Variants in ZFHX3 observed in about 807,000 individuals in gnomAD.
ZFHX3 encodes zinc finger homeobox 3, also known as zinc finger homeobox protein 3.
ZFHX3 carries 42 observed loss-of-function variants against 279.1 expected under a neutral mutation model. The observed-to-expected ratio is 0.15, with a 90% CI of 0.12 to 0.19. The LOEUF is 0.19. Among genes scored for constraint, ZFHX3 ranks in the 10% least tolerant of loss-of-function variants. The pLI, the probability that ZFHX3 is intolerant of heterozygous loss-of-function variation, is 1.00. For missense variants in ZFHX3, 4,981 were observed against 4,754.0 expected, an observed-to-expected ratio of 1.05 and a Z score of -1.40; for synonymous variants, 2,293 against 1,957.8, an observed-to-expected ratio of 1.17 and a Z score of -4.52.
chr16:72,865,615 C>T (rs1392771725), intron 4 of ZFHX3, among the ~76,000 whole-genome samples: 2 of 139,572 alleles, frequency 1.4e-5, no homozygotes, highest in East Asian at 4.4e-4. Context: ...AAAGAGAAGG[C>T]GAGTTTTTGC....
intron 3 of ZFHX3, among the ~76,000 whole-genome samples, chr16:73,382,431 C>A (rs147128201): frequency 6.6e-6 from 1 of 152,138 alleles, no homozygotes; most frequent in African/African-American, 2.4e-5. Context: ...AACAACCCAA[C>A]AGAAAAATGA....
Position 72,958,539 on chromosome 16 carries a change from A to G in ZFHX3, c.1607T>C (p.Met536Thr). ...SNQSISNSPL[M>T]PNVLQTLSRG... ...CGACAGGGTCTGGAGCACGTTAGGC[A>G]TTAAGGGGGAGTTAGAAATGCTTTG... is the stretch of plus-strand genomic sequence containing the variant. The change falls in exon 2 of 10, where the codon ATG becomes ACG. Residue 536 changes from methionine (M) to threonine (T), a missense_variant. Met to Thr is a moderately conservative substitution (Grantham distance 81). Transcript: ENST00000268489. 1.2e-6 allele frequency: 2 copies of G among 1,614,154 alleles called. No individual in the cohort carries two copies. The highest frequency in any genetic ancestry group is 1.7e-6 in the Non-Finnish European group (2 of 1,180,036).
At chr16:73,788,401 T>C (rs1959724899) in intron 1 of ZFHX3, among the ~76,000 whole-genome samples, 2 of 152,176 alleles carry the variant, frequency 1.3e-5, no homozygotes, top group Non-Finnish European at 2.9e-5. Flanking sequence ...TTCGTGTCCT[T>C]GGACTCCTCA....
At chr16:73,229,884 C>A (rs2012718693) in intron 5 of ZFHX3, among the ~76,000 whole-genome samples, 1 of 151,902 alleles carries the variant, frequency 6.6e-6, no homozygotes, top group African/African-American at 2.4e-5. Flanking sequence ...TAGGATTCTG[C>A]TAAGATTACA....
intron 7 of ZFHX3, among the ~76,000 whole-genome samples, chr16:73,098,019 A>G (rs796531555): frequency 1.1e-4 from 17 of 150,996 alleles, no homozygotes; most frequent in African/African-American, 3.9e-4. Context: ...GGCTATTGGA[A>G]TAATGTTGCT....
At chr16:72,789,949 C>T (rs2035625024) in intron 9 of ZFHX3, 1 of 152,312 alleles carries the variant, frequency 6.6e-6, no homozygotes, top group Non-Finnish European at 1.5e-5. Flanking sequence ...TCACAACCTA[C>T]CCGAAGCACC....
At chr16:72,965,581 C>T (rs1185352382) in intron 1 of ZFHX3, among the ~76,000 whole-genome samples, 1 of 152,160 alleles carries the variant, frequency 6.6e-6, no homozygotes, top group East Asian at 1.9e-4. Context: ...TCAGATGCTA[C>T]AGAATCCATG....
At chr16:73,275,538 A>G (rs966956632) in intron 4 of ZFHX3, among the ~76,000 whole-genome samples, 1 of 152,174 alleles carries the variant, frequency 6.6e-6, no homozygotes, top group Non-Finnish European at 1.5e-5. Context: ...GACTTCCACT[A>G]TATACCTCAG....
At chr16:73,255,876 G>C (rs2013648913) in intron 5 of ZFHX3, among the ~76,000 whole-genome samples, 1 of 152,138 alleles carries the variant, frequency 6.6e-6, no homozygotes, top group Admixed American at 6.6e-5. Flanking sequence ...ACATGGCCTG[G>C]TGCTGTTTGA....
intron 3 of ZFHX3, among the ~76,000 whole-genome samples, chr16:72,908,284 G>A (rs2039234346): frequency 6.6e-6 from 1 of 152,212 alleles, no homozygotes; most frequent in Non-Finnish European, 1.5e-5. Flanking sequence ...AGGGAGGACT[G>A]ACGCTGAGCT....
intron 1 of ZFHX3, among the ~76,000 whole-genome samples, chr16:73,743,529 A>G (rs2053677495): frequency 6.6e-6 from 1 of 152,194 alleles, no homozygotes; most frequent in African/African-American, 2.4e-5. Context: ...AATTTAAGAG[A>G]ATGCCTATTT....
chr16:73,005,776 C>A (rs188853742), intron 1 of ZFHX3: 1 of 151,582 alleles, frequency 6.6e-6, no homozygotes, highest in Non-Finnish European at 1.5e-5. Flanking sequence ...GGCAACAGAG[C>A]GAGACTCCGT....
chr16:73,133,960 G>A lies in ZFHX3; in HGVS notation c.-1023-2866C>T, dbSNP rs148962788. The stretch of plus-strand genomic sequence containing the variant: ...GACTGATGGCTTTCCAGTCATAATT[G>A]CTGTAGTGATAGCCGATACTTATTA... On this transcript the variant is annotated intron_variant, in intron 6 of 17. Transcript: ENST00000641206. Among the ~76,000 whole-genome samples, 8 of 152,282 alleles carry A rather than the reference G, an allele frequency of 5.3e-5. No individual in the cohort carries two copies. In the East Asian group the frequency reaches 1.5e-3, roughly 29 times the overall value.
At chr16:72,949,471 T>C (rs1257776866) in intron 3 of ZFHX3, among the ~76,000 whole-genome samples, 1 of 152,174 alleles carries the variant, frequency 6.6e-6, no homozygotes, top group Non-Finnish European at 1.5e-5. Context: ...GGTGAGGCTT[T>C]AAGTCCAGTG....
At chr16:73,765,337 T>G (rs992281577) in intron 1 of ZFHX3, among the ~76,000 whole-genome samples, 1 of 152,202 alleles carries the variant, frequency 6.6e-6, no homozygotes, top group Non-Finnish European at 1.5e-5. Flanking sequence ...TACTAAAATA[T>G]CTTTACCTTT....
At chr16:73,490,322 A>G (rs1312663659) in intron 2 of ZFHX3, among the ~76,000 whole-genome samples, 1 of 152,234 alleles carries the variant, frequency 6.6e-6, no homozygotes, top group Non-Finnish European at 1.5e-5. Context: ...AGTGTTTCCA[A>G]GGCAGGTTTG....
At chr16:72,914,732 C>T (rs2039399535) in intron 3 of ZFHX3, among the ~76,000 whole-genome samples, 1 of 152,180 alleles carries the variant, frequency 6.6e-6, no homozygotes, top group Admixed American at 6.5e-5. Context: ...TGGCTCATGC[C>T]TATAATCCCA....
At chr16:72,973,791 G>T (rs1030080638) in intron 1 of ZFHX3, 9 of 152,190 alleles carry the variant, frequency 5.9e-5, no homozygotes, top group African/African-American at 2.2e-4. Flanking sequence ...AGAATTGCTG[G>T]AACCTGGGAG....
chr16:73,717,875 A>G (rs1019498542), intron 1 of ZFHX3, among the ~76,000 whole-genome samples: 1 of 152,198 alleles, frequency 6.6e-6, no homozygotes, highest in African/African-American at 2.4e-5. Context: ...CACACTTTGC[A>G]TGCAGCCCTC....
Sources: gnomAD v4.1 joint callset for allele counts (sites outside exome capture counted in the v4.1 genomes callset) on GRCh38, gnomAD v4.1.1 for gene constraint, MANE v1.5 for transcripts, NCBI Gene and HGNC (gene_info 2026-07-23, HGNC 2026-07-21) for gene names.